Variants in KCNIP4 observed in about 807,000 individuals in gnomAD.
KCNIP4 encodes the protein Kv channel-interacting protein 4.
In KCNIP4, 12 loss-of-function variants were observed where a neutral mutation model predicts 34.0. The observed-to-expected ratio is 0.35, with a 90% CI of 0.23 to 0.57. The LOEUF (loss-of-function observed/expected upper bound fraction) is 0.57, where lower values mean the gene tolerates loss of function less well. Among genes scored for constraint, KCNIP4 ranks in the 20% least tolerant of loss-of-function variants. The probability of loss-of-function intolerance (pLI) is 0.83; values close to 1 mark genes in which losing one functional copy is unlikely to be tolerated. For missense variants in KCNIP4, 238 were observed against 311.7 expected (o/e 0.76, Z 1.78); for synonymous variants, 124 against 102.2 (o/e 1.21, Z -1.29).
chr4:21,906,482 T>TC (rs1259305357), intron 1 of KCNIP4, among the ~76,000 whole-genome samples: 1 of 152,102 alleles, frequency 6.6e-6, no homozygotes, highest in East Asian at 1.9e-4. Context: ...GGAAGTGTTC[T>TC]CCCCCACAGC....
intron 1 of KCNIP4, among the ~76,000 whole-genome samples, chr4:21,706,941 A>C (rs1480142283): frequency 1.3e-5 from 2 of 152,174 alleles, no homozygotes; most frequent in Non-Finnish European, 2.9e-5. Flanking sequence ...TGTCCATTAG[A>C]GAGGAACTCC....
chr4:21,548,227 C>G (rs358834), intron 1 of KCNIP4, among the ~76,000 whole-genome samples: 1 of 152,044 alleles, frequency 6.6e-6, no homozygotes, highest in Admixed American at 6.6e-5. Context: ...TGTTTATATT[C>G]TGCAGCATTT....
At chr4:21,500,903 G>A (rs557131426) in intron 1 of KCNIP4, among the ~76,000 whole-genome samples, 2 of 152,122 alleles carry the variant, frequency 1.3e-5, no homozygotes, top group East Asian at 1.9e-4. Context: ...CATTCTTAAC[G>A]TGCACTATGA....
chr4:20,996,769 T>C (rs1255197591), intron 1 of KCNIP4, among the ~76,000 whole-genome samples: 1 of 151,950 alleles, frequency 6.6e-6, no homozygotes. Context: ...GAACTTCTTT[T>C]TTTTAAATGC....
chr4:21,579,782 A>G (rs909496292), intron 1 of KCNIP4, among the ~76,000 whole-genome samples: 2 of 152,222 alleles, frequency 1.3e-5, no homozygotes, highest in African/African-American at 4.8e-5. Flanking sequence ...CTTTTAGCAT[A>G]GAGATAAAAA....
intron 1 of KCNIP4, among the ~76,000 whole-genome samples, chr4:21,608,050 T>C (rs944509926): frequency 6.6e-6 from 1 of 152,144 alleles, no homozygotes; most frequent in African/African-American, 2.4e-5. Context: ...GCAAGGCTTT[T>C]ACTCATGGTG....
intron 1 of KCNIP4, among the ~76,000 whole-genome samples, chr4:21,574,731 T>G (rs554382135): frequency 6.6e-6 from 1 of 152,242 alleles, no homozygotes; most frequent in African/African-American, 2.4e-5. Context: ...AAGCTAAAAC[T>G]AGATTTCAGA....
intron 1 of KCNIP4, among the ~76,000 whole-genome samples, chr4:21,099,773 C>T (rs753960007): frequency 6.6e-6 from 1 of 152,162 alleles, no homozygotes; most frequent in East Asian, 1.9e-4. Flanking sequence ...GTTCATAATT[C>T]ATGGGAGAAG....
intron 1 of KCNIP4, among the ~76,000 whole-genome samples, chr4:21,448,247 C>T (rs925275034): frequency 1.2e-4 from 18 of 151,980 alleles, no homozygotes; most frequent in Admixed American, 6.5e-5. Context: ...GTGAGGAGTA[C>T]AATAGAGAAA....
chr4:21,296,924 T>G (rs1763871134), intron 1 of KCNIP4, among the ~76,000 whole-genome samples: 2 of 151,794 alleles, frequency 1.3e-5, no homozygotes, highest in South Asian at 4.2e-4. Flanking sequence ...AATTTAATAA[T>G]CGGCATGTTG....
chr4:21,653,894 T>C (rs1747703913), intron 1 of KCNIP4, among the ~76,000 whole-genome samples: 1 of 152,166 alleles, frequency 6.6e-6, no homozygotes, highest in Non-Finnish European at 1.5e-5. Flanking sequence ...TATTTTTTGC[T>C]CCACTTATTA....
At chr4:21,663,250 G>C (rs1748582104) in intron 1 of KCNIP4, among the ~76,000 whole-genome samples, 1 of 152,174 alleles carries the variant, frequency 6.6e-6, no homozygotes, top group Non-Finnish European at 1.5e-5. Context: ...GTCATCAAAT[G>C]GTTAATGGAT....
At chr4:21,757,947 G>T (rs1299730569) in intron 1 of KCNIP4, among the ~76,000 whole-genome samples, 1 of 152,128 alleles carries the variant, frequency 6.6e-6, no homozygotes, top group Non-Finnish European at 1.5e-5. Context: ...TACTAGGTTT[G>T]TGTCCTTATG....
At chr4:21,824,123 C>A (rs1013699308) in intron 1 of KCNIP4, among the ~76,000 whole-genome samples, 38 of 152,274 alleles carry the variant, frequency 2.5e-4, no homozygotes, top group African/African-American at 8.7e-4. Context: ...ATGAGAAAAG[C>A]TCTGATCTAA....
chr4:21,754,657 AAT>A (rs1263982264), intron 1 of KCNIP4, among the ~76,000 whole-genome samples: 4 of 152,162 alleles, frequency 2.6e-5, no homozygotes, highest in Non-Finnish European at 5.9e-5. Context: ...TCCCACTTCA[AAT>A]AATCATTTCT....
chr4:21,353,125 C>T (rs1390086895), intron 1 of KCNIP4, among the ~76,000 whole-genome samples: 1 of 152,098 alleles, frequency 6.6e-6, no homozygotes, highest in African/African-American at 2.4e-5. Context: ...GACATCCAAC[C>T]AAAACCCCAT....
At chr4:21,557,136 T>C (rs1645089742) in intron 1 of KCNIP4, among the ~76,000 whole-genome samples, 1 of 152,106 alleles carries the variant, frequency 6.6e-6, no homozygotes, top group East Asian at 1.9e-4. Flanking sequence ...TGTTTCGTCA[T>C]GTGACTGTTT....
Position 21,639,419 on chromosome 4 carries a change from ACAGT to A in KCNIP4, c.61+309148_61+309151del, listed in dbSNP as rs373158956. On this transcript the variant is annotated intron_variant, in intron 1 of 8. Coordinates refer to ENST00000382152, the MANE Select transcript of KCNIP4 (RefSeq NM_025221.6). ...CAAATCTATACAATTGTCAGTGAAG[ACAGT>A]CAATCTTTGTCATTAAATAATTTTA... is the stretch of plus-strand genomic sequence containing the variant. 1.8e-3 allele frequency among the ~76,000 whole-genome samples: 280 copies of A among 152,242 alleles called. 1 individual carries two copies. Among genetic ancestry groups the A allele is most frequent in the African/African-American group, 6.6e-3 (273 of 41,586 alleles).
chr4:20,830,496 A>G (rs1718288545), intron 3 of KCNIP4, among the ~76,000 whole-genome samples: 1 of 152,090 alleles, frequency 6.6e-6, no homozygotes, highest in South Asian at 2.1e-4. Flanking sequence ...GCATGTTCTT[A>G]TGGGAATCCT....
Sources: gnomAD v4.1 joint callset for allele counts (sites outside exome capture counted in the v4.1 genomes callset) on GRCh38, gnomAD v4.1.1 for gene constraint, MANE v1.5 for transcripts, NCBI Gene and HGNC (gene_info 2026-07-23, HGNC 2026-07-21) for gene names.